The following SPAG16 variants were observed in gnomAD, a reference collection of about 807,000 sequenced individuals.
SPAG16 encodes the protein sperm associated antigen 16.
In SPAG16, 86 loss-of-function variants were observed where a neutral mutation model predicts 80.4. The observed-to-expected ratio is 1.07, with a 90% CI of 0.90 to 1.28. The LOEUF (loss-of-function observed/expected upper bound fraction) is 1.28. SPAG16 is among the 50% of genes most tolerant of loss of function. The pLI, the probability that SPAG16 is intolerant of heterozygous loss-of-function variation, is 0.00. For synonymous variants in SPAG16, 294 were observed against 265.9 expected (o/e 1.11, Z -1.03); for missense variants, 870 against 765.3 (o/e 1.14, Z -1.61).
intron 11 of SPAG16, among the ~76,000 whole-genome samples, chr2:213,869,265 A>AAAAAAAAAAAAAAATATACG (rs1491244962): frequency 4.0e-5 from 1 of 24,806 alleles, no homozygotes; most frequent in Admixed American, 8.3e-4. Flanking sequence ...AAAAAAAAAA[A>AAAAAAAAAAAAAAATATACG]TATATATATA....
intron 13 of SPAG16, among the ~76,000 whole-genome samples, chr2:214,101,631 G>A (rs2053040078): frequency 6.6e-6 from 1 of 152,052 alleles, no homozygotes; most frequent in Admixed American, 6.6e-5. Context: ...GAAAGATTTG[G>A]CAAACAGCCT....
intron 15 of SPAG16, among the ~76,000 whole-genome samples, chr2:214,352,379 AT>A (rs1282955826): frequency 2.0e-5 from 3 of 152,204 alleles, no homozygotes; most frequent in Non-Finnish European, 4.4e-5. Context: ...GATAAATCAC[AT>A]TTAATTCCCT....
chr2:214,223,658 T>C (rs1481864160), intron 15 of SPAG16, among the ~76,000 whole-genome samples: 1 of 152,092 alleles, frequency 6.6e-6, no homozygotes, highest in Non-Finnish European at 1.5e-5. Flanking sequence ...GATACTTCTA[T>C]TATAATAAAA....
At chr2:213,736,942 G>A (rs1392456288) in intron 10 of SPAG16, among the ~76,000 whole-genome samples, 1 of 151,952 alleles carries the variant, frequency 6.6e-6, no homozygotes, top group African/African-American at 2.4e-5. Context: ...CTGACCTCAG[G>A]TGATCTGCCC....
At chr2:214,081,193 G>A (rs761736551) in intron 13 of SPAG16, among the ~76,000 whole-genome samples, 2 of 151,854 alleles carry the variant, frequency 1.3e-5, no homozygotes, top group Non-Finnish European at 2.9e-5. Flanking sequence ...ATTCAACTGA[G>A]ATATCTAAGT....
chr2:213,378,109 C>T (rs2066986452), intron 9 of SPAG16, among the ~76,000 whole-genome samples: 1 of 152,018 alleles, frequency 6.6e-6, no homozygotes, highest in Non-Finnish European at 1.5e-5. Context: ...AAGATGTAGG[C>T]TGGGAGGCTA....
At chr2:214,157,565 GA>G (rs1176287570) in intron 15 of SPAG16, among the ~76,000 whole-genome samples, 1 of 151,932 alleles carries the variant, frequency 6.6e-6, no homozygotes, top group Non-Finnish European at 1.5e-5. Context: ...TTAATTTAGG[GA>G]TAATAGTCAT....
At chr2:213,891,742 T>C (rs1018693854) in intron 11 of SPAG16, among the ~76,000 whole-genome samples, 1 of 151,914 alleles carries the variant, frequency 6.6e-6, no homozygotes, top group African/African-American at 2.4e-5. Context: ...CACAAAGAAG[T>C]GTAATATTAA....
intron 15 of SPAG16, among the ~76,000 whole-genome samples, chr2:214,314,746 A>G (rs1023039381): frequency 6.9e-6 from 1 of 144,372 alleles, no homozygotes; most frequent in Non-Finnish European, 1.5e-5. Flanking sequence ...GGAAATGTTT[A>G]AAAAAAGTGG....
At chr2:214,271,845 C>G (rs529696974) in intron 15 of SPAG16, among the ~76,000 whole-genome samples, 2 of 142,532 alleles carry the variant, frequency 1.4e-5, no homozygotes, top group Non-Finnish European at 3.1e-5. Context: ...GTGGGAAACC[C>G]CCCCCCCAAA....
At chr2:214,038,945 A>T (rs1418774925) in intron 13 of SPAG16, among the ~76,000 whole-genome samples, 7 of 152,100 alleles carry the variant, frequency 4.6e-5, no homozygotes, top group Non-Finnish European at 8.8e-5. Flanking sequence ...TCTATCATTG[A>T]CGGACATTTG....
intron 10 of SPAG16, 127 bp from the exon 11 acceptor site, chr2:213,862,358 G>A: frequency 8.7e-7 from 1 of 1,145,602 alleles, no homozygotes; most frequent in Non-Finnish European, 1.2e-6. Context: ...CTCTTATTTT[G>A]GGGCCAGTAC....
chr2:213,450,239 G>A (rs1018886418), intron 9 of SPAG16, among the ~76,000 whole-genome samples: 1 of 152,210 alleles, frequency 6.6e-6, no homozygotes, highest in African/African-American at 2.4e-5. Flanking sequence ...GGGAGGCAGA[G>A]GTTGCAGTGA....
chr2:213,468,269 C>T (rs969745919), intron 9 of SPAG16, among the ~76,000 whole-genome samples: 1 of 151,256 alleles, frequency 6.6e-6, no homozygotes, highest in Non-Finnish European at 1.5e-5. Flanking sequence ...CATAAGCAAC[C>T]AATATGCACA....
intron 15 of SPAG16, among the ~76,000 whole-genome samples, chr2:214,328,973 A>G (rs760697502): frequency 6.6e-6 from 1 of 152,206 alleles, no homozygotes; most frequent in Non-Finnish European, 1.5e-5. Context: ...CATTATATAC[A>G]TAAGAAAACT....
chr2:213,337,558 C>G (rs181600766), intron 5 of SPAG16, among the ~76,000 whole-genome samples: 1 of 152,024 alleles, frequency 6.6e-6, no homozygotes, highest in Non-Finnish European at 1.5e-5. Flanking sequence ...AAACACAACA[C>G]GAGAACTTCA....
intron 15 of SPAG16, among the ~76,000 whole-genome samples, chr2:214,386,309 G>C (rs1700747761): frequency 6.6e-6 from 1 of 152,078 alleles, no homozygotes; most frequent in East Asian, 1.9e-4. Flanking sequence ...CTTTAGCTCG[G>C]GAGGCAGAAG....
intron 10 of SPAG16, among the ~76,000 whole-genome samples, chr2:213,695,059 C>T (rs2065100013): frequency 6.6e-6 from 1 of 152,100 alleles, no homozygotes; most frequent in African/African-American, 2.4e-5. Flanking sequence ...AATCCACTTC[C>T]CTCCACTACT....
At chr2:213,595,298 A>G (rs1411638958) in intron 10 of SPAG16, among the ~76,000 whole-genome samples, 1 of 152,086 alleles carries the variant, frequency 6.6e-6, no homozygotes, top group Non-Finnish European at 1.5e-5. Context: ...TCAGTGGGGT[A>G]TTGTGGTGAA....
Sources: allele counts gnomAD v4.1 joint callset (sites outside exome capture counted in the v4.1 genomes callset), GRCh38; gene constraint gnomAD v4.1.1; transcripts MANE v1.5; gene names NCBI Gene and HGNC (gene_info 2026-07-23, HGNC 2026-07-21).